CAMTA1: variants seen among roughly 807,000 people sequenced by gnomAD.
CAMTA1 encodes calmodulin binding transcription activator 1.
In CAMTA1, 27 loss-of-function variants were observed where a neutral mutation model predicts 170.9. The ratio of observed to expected loss-of-function variants is 0.16; its 90% CI spans 0.12 to 0.22. CAMTA1 has a LOEUF of 0.22. Among genes scored for constraint, CAMTA1 ranks in the 10% least tolerant of loss-of-function variants. The probability of loss-of-function intolerance (pLI) is 1.00; values close to 1 mark genes in which losing one functional copy is unlikely to be tolerated. For synonymous variants in CAMTA1, 833 were observed against 891.5 expected, an observed-to-expected ratio of 0.93 and a Z score of 1.17; for missense variants, 1,619 against 2,217.2, an observed-to-expected ratio of 0.73 and a Z score of 5.42.
chr1:7,327,183 G>A (rs1479527437), intron 5 of CAMTA1, among the ~76,000 whole-genome samples: 1 of 151,952 alleles, frequency 6.6e-6, no homozygotes, highest in Non-Finnish European at 1.5e-5. Context: ...TTGGGAGGCC[G>A]AGGCAGGCGG....
chr1:7,202,967 C>A (rs1364796697), intron 4 of CAMTA1, among the ~76,000 whole-genome samples: 1 of 152,162 alleles, frequency 6.6e-6, no homozygotes. Context: ...TAGGAGAAAG[C>A]CAGCCAGTCT....
rs74560900 is a variant in CAMTA1 at position 6,932,660 on chromosome 1, C to T, written c.234+107450C>T. Among the ~76,000 whole-genome samples, 1,496 of 152,288 alleles carry T rather than the reference C, an allele frequency of 9.8e-3. 11 individuals are homozygous for T. Among genetic ancestry groups the T allele is most frequent in the Non-Finnish European group, 0.016 (1,106 of 68,022 alleles). On this transcript the variant is annotated intron_variant, in intron 3 of 22. Coordinates refer to ENST00000303635, the MANE Select transcript of CAMTA1 (RefSeq NM_015215.4). Reference sequence around the variant, plus strand: ...TCTACATCCGCGCCAACCCTTCCTACGGTCAGTCTTTGTCATTTTAGCCAT... The same window carrying T: ...TCTACATCCGCGCCAACCCTTCCTATGGTCAGTCTTTGTCATTTTAGCCAT...
chr1:6,811,573 G>C (rs1366766667), intron 1 of CAMTA1, among the ~76,000 whole-genome samples: 1 of 152,050 alleles, frequency 6.6e-6, no homozygotes, highest in Admixed American at 6.5e-5. Context: ...TTTCCCCTCC[G>C]ATTTGTTGCT....
chr1:6,951,899 G>C (rs373167617), intron 3 of CAMTA1, among the ~76,000 whole-genome samples: 1 of 152,296 alleles, frequency 6.6e-6, no homozygotes, highest in Admixed American at 6.5e-5. Context: ...CATGCCGTGC[G>C]AACTGTGAGG....
intron 3 of CAMTA1, among the ~76,000 whole-genome samples, chr1:7,053,929 CCT>C (rs1388407961): frequency 3.9e-5 from 6 of 152,308 alleles, no homozygotes; most frequent in Admixed American, 1.3e-4. Flanking sequence ...GCTGTCTCCT[CCT>C]CTGTTAGCCT....
At chr1:6,787,072 G>A (rs1220320048) in intron 1 of CAMTA1, among the ~76,000 whole-genome samples, 1 of 152,194 alleles carries the variant, frequency 6.6e-6, no homozygotes, top group Non-Finnish European at 1.5e-5. Flanking sequence ...AACCTTTCCT[G>A]GATATAAACT....
chr1:6,932,901 A>C (rs1472220514), intron 3 of CAMTA1, among the ~76,000 whole-genome samples: 1 of 152,124 alleles, frequency 6.6e-6, no homozygotes, highest in Non-Finnish European at 1.5e-5. Flanking sequence ...TCTTTATCAG[A>C]TATATGCTTT....
At position 7,038,194 on chromosome 1, in the gene CAMTA1, TTTTC is replaced by T. The variant is rs60508437; in HGVS notation, c.235-53106_235-53103del. The stretch of plus-strand genomic sequence containing the variant: ...TATATATTAAAAGTCAAAGTGTTGA[TTTTC>T]TTTAAGTCAAATTCATATTTAGAAA... On this transcript the variant is annotated intron_variant, in intron 3 of 22. Transcript: ENST00000303635. Among the ~76,000 whole-genome samples the T allele has an allele frequency of 6.4e-3, 973 of 152,296 alleles. 6 individuals carry two copies. Among genetic ancestry groups the T allele is most frequent in the Non-Finnish European group, 8.4e-3 (569 of 68,028 alleles).
intron 6 of CAMTA1, among the ~76,000 whole-genome samples, chr1:7,603,798 C>A (rs1356986344): frequency 6.6e-6 from 1 of 152,118 alleles, no homozygotes; most frequent in Non-Finnish European, 1.5e-5. Flanking sequence ...TACAATTTGG[C>A]ATGTTTTTGC....
intron 3 of CAMTA1, among the ~76,000 whole-genome samples, chr1:6,829,284 G>A (rs1473600321): frequency 6.6e-6 from 1 of 152,202 alleles, no homozygotes; most frequent in Non-Finnish European, 1.5e-5. Context: ...GAAGCTGAAA[G>A]TCACTAAAAG....
chr1:7,761,813 G>A (rs900920671), intron 22 of CAMTA1, among the ~76,000 whole-genome samples: 1 of 151,808 alleles, frequency 6.6e-6, no homozygotes, highest in Admixed American at 6.6e-5. Context: ...CACAGCATTT[G>A]TAAGACAGAT....
rs187624403 is a variant in CAMTA1, at chr1:7,213,521, A to G, written c.303-35970A>G. 3.0e-3 allele frequency among the ~76,000 whole-genome samples: 452 copies of G among 151,908 alleles called. 4 individuals carry two copies. Among genetic ancestry groups the G allele is most frequent in the Non-Finnish European group, 4.3e-3 (292 of 67,944 alleles). ...CTTAAATACCAGTCATTTTTCTGAGAGGTGGTTTGCAAATATTTTCTCCTA... is the reference window on the plus strand; with the variant it reads ...CTTAAATACCAGTCATTTTTCTGAGGGGTGGTTTGCAAATATTTTCTCCTA... On this transcript the variant is annotated intron_variant, in intron 4 of 22. Transcript: ENST00000303635.
intron 5 of CAMTA1, among the ~76,000 whole-genome samples, chr1:7,389,053 G>A (rs2088375206): frequency 6.6e-6 from 1 of 152,228 alleles, no homozygotes; most frequent in African/African-American, 2.4e-5. Context: ...GAGGGAGGGG[G>A]AGGAGGAAGG....
Position 6,953,544 on chromosome 1 carries a change from G to A in CAMTA1, c.234+128334G>A, listed in dbSNP as rs552263253. Reference sequence around the variant, plus strand: ...TGCTCAGGAGGGCTGGCTTAGGACCGAAGCCCAGGCCCCGCAGGGAGCCTG... The same window carrying A: ...TGCTCAGGAGGGCTGGCTTAGGACCAAAGCCCAGGCCCCGCAGGGAGCCTG... On this transcript the variant is annotated intron_variant, in intron 3 of 22. Coordinates refer to ENST00000303635, the MANE Select transcript of CAMTA1 (RefSeq NM_015215.4). 1.4e-4 allele frequency among the ~76,000 whole-genome samples: 22 copies of A among 152,326 alleles called. No homozygotes were observed. The East Asian group carries it at 2.5e-3, about 17-fold the overall frequency.
intron 4 of CAMTA1, among the ~76,000 whole-genome samples, chr1:7,141,958 C>T (rs761542260): frequency 5.3e-5 from 8 of 152,184 alleles, no homozygotes; most frequent in Admixed American, 1.3e-4. Flanking sequence ...GGACACACAG[C>T]GAGCCATGGC....
intron 5 of CAMTA1, among the ~76,000 whole-genome samples, chr1:7,313,490 G>A (rs528029410): frequency 6.6e-6 from 1 of 152,318 alleles, no homozygotes; most frequent in East Asian, 1.9e-4. Flanking sequence ...GGATCTTCCT[G>A]TAACCCTGTT....
intron 1 of CAMTA1, among the ~76,000 whole-genome samples, chr1:6,793,153 C>T (rs563498956): frequency 1.3e-5 from 2 of 152,060 alleles, no homozygotes; most frequent in East Asian, 3.9e-4. Context: ...CTTGTGAAGC[C>T]CAGCTCTGAT....
At chr1:7,572,552 A>G (rs961894090) in intron 6 of CAMTA1, among the ~76,000 whole-genome samples, 1 of 152,180 alleles carries the variant, frequency 6.6e-6, no homozygotes, top group African/African-American at 2.4e-5. Context: ...TCAGTCTTCT[A>G]TATATGGCTA....
intron 4 of CAMTA1, among the ~76,000 whole-genome samples, chr1:7,187,343 C>T (rs958628001): frequency 9.2e-5 from 14 of 152,134 alleles, no homozygotes; most frequent in East Asian, 1.9e-4. Context: ...TGCTGTTTCT[C>T]GGAAAGAACT....
Sources: allele counts gnomAD v4.1 joint callset (sites outside exome capture counted in the v4.1 genomes callset), GRCh38; gene constraint gnomAD v4.1.1; transcripts MANE v1.5; gene names NCBI Gene and HGNC (gene_info 2026-07-23, HGNC 2026-07-21).